Variants in DRC3 observed in about 807,000 individuals in gnomAD.
DRC3 encodes the protein dynein regulatory complex subunit 3.
In DRC3, 45 loss-of-function variants were observed where a neutral mutation model predicts 57.6. That is an observed-to-expected ratio of 0.78 (90% confidence interval 0.62 to 1.00). The LOEUF (loss-of-function observed/expected upper bound fraction) is 1.00. Among genes scored for constraint, DRC3 ranks in the 50% least tolerant of loss-of-function variants. The pLI is 0.00. For synonymous variants in DRC3, 257 were observed against 272.3 expected, an observed-to-expected ratio of 0.94 and a Z score of 0.55; for missense variants, 655 against 675.2, an observed-to-expected ratio of 0.97 and a Z score of 0.33.
At chr17:17,980,644 G>C (rs965539448) in intron 3 of DRC3, among the ~76,000 whole-genome samples, 1 of 141,262 alleles carries the variant, frequency 7.1e-6, no homozygotes, top group Non-Finnish European at 1.5e-5. Context: ...CGCCAGGCTA[G>C]AGTGCAGTGG....
chr17:18,004,754 G>A (rs956256164), intron 10 of DRC3: 43 of 450,732 alleles, frequency 9.5e-5, no homozygotes, highest in Non-Finnish European at 7.3e-5. Context: ...TCAGTGGGGA[G>A]AGGTTTTTGA....
chr17:17,973,499 A>G (rs1056522729), intron 1 of DRC3, among the ~76,000 whole-genome samples: 1 of 152,202 alleles, frequency 6.6e-6, no homozygotes, highest in African/African-American at 2.4e-5. Flanking sequence ...TAAGGGCATT[A>G]GGACTCCCTT....
chr17:17,998,624 A>T (rs971252218), intron 9 of DRC3, among the ~76,000 whole-genome samples: 6 of 152,098 alleles, frequency 3.9e-5, no homozygotes, highest in Non-Finnish European at 8.8e-5. Context: ...AAGTCCCTCG[A>T]TGCGCAACTT....
intron 12 of DRC3, among the ~76,000 whole-genome samples, chr17:18,012,110 A>G (rs2044190374): frequency 6.6e-6 from 1 of 152,230 alleles, no homozygotes; most frequent in Non-Finnish European, 1.5e-5. Context: ...GGGTTTTTAT[A>G]TAAGAAAAAT....
chr17:17,984,081 G>C, intron 4 of DRC3, 137 bp downstream of exon 4: 1 of 599,244 alleles, frequency 1.7e-6, no homozygotes, highest in Non-Finnish European at 2.9e-6. Flanking sequence ...CAGAAGCTCT[G>C]CCTGCTGGGA....
chr17:18,002,176 A>C (rs2043763728), intron 9 of DRC3, among the ~76,000 whole-genome samples: 1 of 151,756 alleles, frequency 6.6e-6, no homozygotes, highest in Non-Finnish European at 1.5e-5. Context: ...TCAAAGAAAA[A>C]AAAAATCTCC....
rs371064166 is a variant in DRC3 at position 17,992,778 on chromosome 17, G to A, written c.458G>A (p.Arg153Gln). Residue 153 changes from arginine to glutamine, a missense_variant, in exon 6 of 14, where the codon CGG becomes CAG. Transcript: ENST00000399187. ...IDNMMNIIYL[R>Q]RFKCLRTLSL... Reference sequence around the variant, plus strand: ...TTTTCTCCCCAGATCATCTACCTCCGGCGGTTCAAGTGCCTGCGGACGCTC... The same window carrying A: ...TTTTCTCCCCAGATCATCTACCTCCAGCGGTTCAAGTGCCTGCGGACGCTC... The A allele has an allele frequency of 1.5e-5, 25 of 1,613,382 alleles. No individual in the cohort carries two copies. The highest frequency in any genetic ancestry group is 1.1e-4 in the East Asian group (5 of 44,882).
At chr17:17,989,924 C>T (rs547620244) in intron 5 of DRC3, among the ~76,000 whole-genome samples, 10 of 152,290 alleles carry the variant, frequency 6.6e-5, no homozygotes, top group Middle Eastern at 3.4e-3. Context: ...TGAGCCCCTG[C>T]GGCAAACAAC....
chr17:17,987,201 C>T (rs1004787355), intron 4 of DRC3, among the ~76,000 whole-genome samples: 9 of 118,392 alleles, frequency 7.6e-5, no homozygotes, highest in African/African-American at 2.3e-4. Context: ...CACAACAGAG[C>T]GAGACCCTGT....
intron 5 of DRC3, among the ~76,000 whole-genome samples, chr17:17,991,249 A>G (rs2043211129): frequency 1.4e-5 from 2 of 147,858 alleles, no homozygotes; most frequent in Admixed American, 6.7e-5. Flanking sequence ...TCTTTTGCAT[A>G]GTACAGTGTC....
At position 18,003,064 on chromosome 17, in the gene DRC3, G is replaced by A. The variant is rs138796781; in HGVS notation, c.1000-1299G>A. Among the ~76,000 whole-genome samples, 482 of 152,286 alleles carry A rather than the reference G, an allele frequency of 3.2e-3. 4 individuals are homozygous for A. The highest frequency in any genetic ancestry group is 3.4e-3 in the Middle Eastern group (1 of 294). ...AGAGAGTAGTGAATTGTGAGAACGTGACAAGACAAAGAGGTTTGGGCTAAG... is the reference window on the plus strand; with the variant it reads ...AGAGAGTAGTGAATTGTGAGAACGTAACAAGACAAAGAGGTTTGGGCTAAG... On this transcript the variant is annotated intron_variant, in intron 9 of 13. Transcript: ENST00000399187.
intron 2 of DRC3, among the ~76,000 whole-genome samples, chr17:17,975,597 T>C (rs551763487): frequency 1.5e-5 from 2 of 136,592 alleles, no homozygotes; most frequent in East Asian, 2.2e-4. Context: ...CAAAGACAAG[T>C]TGATGACAAG....
At chr17:18,016,347 A>G (rs946778765) in intron 13 of DRC3, 152 bp downstream of exon 13, 1 of 951,464 alleles carries the variant, frequency 1.1e-6, no homozygotes, top group African/African-American at 1.6e-5. Flanking sequence ...TGAAGACAAC[A>G]TTGCCCAGAG....
intron 3 of DRC3, among the ~76,000 whole-genome samples, chr17:17,978,511 A>C (rs1332762077): frequency 6.6e-6 from 1 of 152,148 alleles, no homozygotes; most frequent in African/African-American, 2.4e-5. Context: ...CAGCAGAGTG[A>C]CCTGGTCTGA....
intron 4 of DRC3, among the ~76,000 whole-genome samples, chr17:17,984,336 T>A (rs1206248835): frequency 1.3e-5 from 2 of 152,042 alleles, no homozygotes; most frequent in Non-Finnish European, 2.9e-5. Context: ...TCACAGAGGC[T>A]AGTGTGTATC....
At chr17:17,995,601 C>G (rs2145349017) in intron 8 of DRC3, 1 of 163,306 alleles carries the variant, frequency 6.1e-6, no homozygotes, top group Middle Eastern at 2.9e-3. Flanking sequence ...CTCATTCTTT[C>G]CCCAGTTGCC....
intron 5 of DRC3, chr17:17,989,653 AGGTGACGAG>A (rs2043135539): frequency 6.6e-6 from 1 of 152,282 alleles, no homozygotes; most frequent in African/African-American, 2.4e-5. Flanking sequence ...CTGCTGCTGC[AGGTGACGAG>A]GGAGGATTCC....
intron 8 of DRC3, among the ~76,000 whole-genome samples, chr17:17,996,815 C>G (rs2043478152): frequency 6.6e-6 from 1 of 152,150 alleles, no homozygotes; most frequent in African/African-American, 2.4e-5. Context: ...GCATCAGTTT[C>G]CATCCCACAG....
intron 8 of DRC3, among the ~76,000 whole-genome samples, chr17:17,997,024 G>T (rs192214241): frequency 6.6e-6 from 1 of 152,254 alleles, no homozygotes; most frequent in East Asian, 1.9e-4. Context: ...ACCAAGACAG[G>T]CCCTCAGTAA....
Sources: gnomAD v4.1 joint callset for allele counts (sites outside exome capture counted in the v4.1 genomes callset) on GRCh38, gnomAD v4.1.1 for gene constraint, MANE v1.5 for transcripts, NCBI Gene and HGNC (gene_info 2026-07-23, HGNC 2026-07-21) for gene names.